TMEM131L: variants seen among roughly 807,000 people sequenced by gnomAD.
TMEM131L encodes transmembrane protein 131-like.
Under a neutral mutation model 192.2 loss-of-function variants are expected in TMEM131L, and 54 were observed. The observed-to-expected ratio is 0.28, with a 90% CI of 0.23 to 0.35. The LOEUF is 0.35. TMEM131L is among the 10% of genes least tolerant of loss of function. TMEM131L has a pLI of 1.00. For synonymous variants in TMEM131L, 701 were observed against 704.9 expected (o/e 0.99, Z 0.09); for missense variants, 1,888 against 1,972.9 (o/e 0.96, Z 0.82).
intron 2 of TMEM131L, among the ~76,000 whole-genome samples, chr4:153,469,932 AC>A (rs1731035455): frequency 1.2e-5 from 1 of 84,822 alleles, no homozygotes; most frequent in African/African-American, 3.4e-5. Flanking sequence ...GTCTCAAAAA[AC>A]AAACAAACAA....
intron 3 of TMEM131L, among the ~76,000 whole-genome samples, chr4:153,521,381 T>A (rs1171593200): frequency 6.6e-6 from 1 of 151,796 alleles, no homozygotes; most frequent in Admixed American, 6.6e-5. Context: ...AGGAAGTGAG[T>A]CTACATTATA....
At chr4:153,606,889 G>A (rs532546765) in intron 25 of TMEM131L, among the ~76,000 whole-genome samples, 12 of 152,314 alleles carry the variant, frequency 7.9e-5, no homozygotes, top group Admixed American at 2.6e-4. Context: ...AGTCCTCTAC[G>A]TGTCTGCAGA....
intron 7 of TMEM131L, among the ~76,000 whole-genome samples, chr4:153,570,561 C>T (rs1007008661): frequency 6.6e-6 from 1 of 152,164 alleles, no homozygotes; most frequent in African/African-American, 2.4e-5. Context: ...TGGCGGTAGC[C>T]GACATACTCG....
chr4:153,572,811 G>A (rs1729681340), intron 7 of TMEM131L, among the ~76,000 whole-genome samples: 1 of 152,042 alleles, frequency 6.6e-6, no homozygotes. Flanking sequence ...TCCATCTCCA[G>A]GACCCTTTCA....
chr4:153,618,867 CCT>C (rs1733184531), intron 26 of TMEM131L, among the ~76,000 whole-genome samples: 2 of 152,130 alleles, frequency 1.3e-5, no homozygotes, highest in African/African-American at 4.8e-5. Flanking sequence ...ACTTTCCCTC[CCT>C]GTTCTACCTG....
Position 153,583,463 on chromosome 4 carries a change from A to G in TMEM131L, c.952-101A>G, listed in dbSNP as rs1289282216. The G allele has an allele frequency of 8.2e-6, 7 of 853,184 alleles. No homozygotes were observed. In the East Asian group the frequency reaches 9.7e-5, roughly 12 times the overall value. The allele number at this position is 853,184 out of a possible 1,614,324, so 52.9% of individuals were successfully genotyped here. A position where few individuals can be genotyped will look rare whatever the true frequency, so the allele number is the denominator to read the frequency against. ...ATGGCACAGATGCTGAGCAGTTGCT[A>G]TGTATGGCTGGTCTGTGCTATTTAT... On this transcript the variant is annotated intron_variant, in intron 10 of 34. Coordinates refer to ENST00000409959, the MANE Select transcript of TMEM131L (RefSeq NM_001131007.2).
chr4:153,552,037 G>A (rs10030919), intron 4 of TMEM131L, among the ~76,000 whole-genome samples: 67,241 of 151,600 alleles, frequency 0.44, 18,646 homozygotes, highest in African/African-American at 0.78. Flanking sequence ...GGCAAAACCC[G>A]TGACTCTAAT....
rs17370297 is a variant in TMEM131L at position 153,593,813 on chromosome 4, T to C, written c.1937T>C (p.Met646Thr). The change falls in exon 19 of 35, where the codon ATG becomes ACG. Residue 646 changes from methionine (M) to threonine (T), a missense_variant. Transcript: ENST00000409959. ...TTTCCTTATAGGTTTGGCACTGATA[T>C]GCAGATGATTAATTTCACAACTGGT... ...HLLHRWFGTD[M>T]QMINFTTGEF... The C allele has an allele frequency of 0.31, 494,971 of 1,608,468 alleles. 78,762 individuals are homozygous for C. Among genetic ancestry groups the C allele is most frequent in the Non-Finnish European group, 0.33 (386,179 of 1,175,014 alleles).
chr4:153,494,997 G>A (rs1733065834), intron 3 of TMEM131L, among the ~76,000 whole-genome samples: 1 of 152,204 alleles, frequency 6.6e-6, no homozygotes. Flanking sequence ...CAAAATATCT[G>A]AGACAGATCT....
At chr4:153,574,158 A>T (rs1170006152) in intron 7 of TMEM131L, among the ~76,000 whole-genome samples, 3 of 152,200 alleles carry the variant, frequency 2.0e-5, no homozygotes, top group Non-Finnish European at 4.4e-5. Flanking sequence ...AATGATGTGG[A>T]TAAGGAAAAA....
intron 7 of TMEM131L, among the ~76,000 whole-genome samples, chr4:153,565,675 A>G (rs1729141596): frequency 6.6e-6 from 1 of 152,220 alleles, no homozygotes; most frequent in Non-Finnish European, 1.5e-5. Context: ...AAGCATTTTT[A>G]TTATGGCTAA....
At chr4:153,489,036 C>T (rs746857396) in intron 3 of TMEM131L, among the ~76,000 whole-genome samples, 2 of 152,218 alleles carry the variant, frequency 1.3e-5, no homozygotes, top group African/African-American at 2.4e-5. Flanking sequence ...TGCACCAACC[C>T]TGTTTCCAAG....
intron 19 of TMEM131L, among the ~76,000 whole-genome samples, 165 bp from the exon 20 acceptor site, chr4:153,596,093 T>C (rs1731417475): frequency 6.6e-6 from 1 of 152,204 alleles, no homozygotes; most frequent in Non-Finnish European, 1.5e-5. Flanking sequence ...AGAAGCTGTT[T>C]ATTGGAGTGA....
At chr4:153,581,109 C>T (rs1730306879) in intron 8 of TMEM131L, among the ~76,000 whole-genome samples, 1 of 152,156 alleles carries the variant, frequency 6.6e-6, no homozygotes, top group Non-Finnish European at 1.5e-5. Flanking sequence ...AAAAAATTAG[C>T]CAGGCGTGCT....
At chr4:153,509,672 G>T (rs887772426) in intron 3 of TMEM131L, among the ~76,000 whole-genome samples, 1 of 152,152 alleles carries the variant, frequency 6.6e-6, no homozygotes, top group African/African-American at 2.4e-5. Context: ...AGCTGAGATC[G>T]TACCACTGCA....
intron 3 of TMEM131L, among the ~76,000 whole-genome samples, chr4:153,498,175 A>G (rs1229525621): frequency 3.9e-5 from 6 of 152,180 alleles, no homozygotes; most frequent in Non-Finnish European, 5.9e-5. Context: ...TTTATTCACA[A>G]ATGATGCTTG....
chr4:153,577,949 G>A (rs59898471), intron 7 of TMEM131L, among the ~76,000 whole-genome samples: 6,694 of 152,198 alleles, frequency 0.044, 387 homozygotes, highest in African/African-American at 0.14. Flanking sequence ...ATGTGGGAGG[G>A]TTCAGCATGC....
At chr4:153,472,142 C>T (rs1731202466) in intron 2 of TMEM131L, among the ~76,000 whole-genome samples, 1 of 151,994 alleles carries the variant, frequency 6.6e-6, no homozygotes, top group African/African-American at 2.4e-5. Context: ...TGAGTATTAA[C>T]TCATTAACAC....
chr4:153,555,761 A>G lies in TMEM131L; in HGVS notation c.309-26A>G. 6.5e-7 allele frequency: 1 copy of G among 1,543,298 alleles called. No homozygotes were observed. On this transcript the variant is annotated intron_variant, in intron 4 of 34. Transcript: ENST00000409959. The surrounding 1 kb of genome is among the most constrained non-coding windows in gnomAD (Gnocchi z 4.1). ...ATATTTATAACCACACAATACATTG[A>G]TTTTTCTCTTTGTTTCTCCTCCTAG...
Sources: allele counts gnomAD v4.1 joint callset (sites outside exome capture counted in the v4.1 genomes callset), GRCh38; gene constraint gnomAD v4.1.1; non-coding constraint Gnocchi (gnomAD v3.1); transcripts MANE v1.5; gene names NCBI Gene and HGNC (gene_info 2026-07-23, HGNC 2026-07-21).